GALNT17: variants seen among roughly 807,000 people sequenced by gnomAD.
GALNT17 encodes the protein UDP-GalNAc:polypeptide N-acetylgalactosaminyltransferase-like 3.
A neutral mutation model predicts 63.7 loss-of-function variants in GALNT17; 29 were observed. The ratio of observed to expected loss-of-function variants is 0.46; its 90% CI spans 0.34 to 0.62. GALNT17 has a LOEUF of 0.62. Ranked by LOEUF, GALNT17 falls within the 20% of genes least tolerant of loss-of-function variation. The pLI is 0.01. For synonymous variants in GALNT17, 305 were observed against 318.3 expected (o/e 0.96, Z 0.45); for missense variants, 603 against 799.6 (o/e 0.75, Z 2.97).
intron 1 of GALNT17, among the ~76,000 whole-genome samples, chr7:71,233,588 T>C (rs1237895545): frequency 6.6e-6 from 1 of 152,180 alleles, no homozygotes; most frequent in Non-Finnish European, 1.5e-5. Flanking sequence ...AGAAGGTTGC[T>C]CTGGGAGCCT....
rs1563047598 is a variant in GALNT17 at position 71,377,112 on chromosome 7, AAAATATATATAT to A, written c.423-11121_423-11110del. Among the ~76,000 whole-genome samples, 18 of 57,236 alleles carry A rather than the reference AAAATATATATAT, an allele frequency of 3.1e-4. 1 individual carries two copies. Among genetic ancestry groups the A allele is most frequent in the East Asian group, 1.1e-3 (2 of 1,786 alleles). The allele number at this position is 57,236 out of a possible 152,430, so 37.5% of individuals were successfully genotyped here. A position where few individuals can be genotyped will look rare whatever the true frequency, so the allele number is the denominator to read the frequency against. On this transcript the variant is annotated intron_variant, in intron 2 of 10. Coordinates refer to ENST00000333538, the MANE Select transcript of GALNT17 (RefSeq NM_022479.3). ...AAAAAAAAAAAAAATAAAAATAAAAAAAATATATATATATATATATATATATATAAAATCTCC... is the reference window on the plus strand; with the variant it reads ...AAAAAAAAAAAAAATAAAAATAAAAAATATATATATATATATAAAATCTCC...
chr7:71,494,052 G>A (rs1391044464), intron 5 of GALNT17, among the ~76,000 whole-genome samples: 2 of 151,992 alleles, frequency 1.3e-5, no homozygotes, highest in African/African-American at 4.8e-5. Context: ...ACTTGCAAAG[G>A]AAAGAGGTTT....
intron 1 of GALNT17, among the ~76,000 whole-genome samples, chr7:71,326,071 T>C (rs948062445): frequency 1.3e-5 from 2 of 152,174 alleles, no homozygotes; most frequent in African/African-American, 4.8e-5. Context: ...TTCTAAATTT[T>C]CTAACGTCTG....
At chr7:71,449,758 C>G (rs1410017163) in intron 5 of GALNT17, among the ~76,000 whole-genome samples, 1 of 152,040 alleles carries the variant, frequency 6.6e-6, no homozygotes, top group Non-Finnish European at 1.5e-5. Flanking sequence ...AATCGATTGT[C>G]TAACCGGGCG....
chr7:71,308,533 C>T (rs928361655), intron 1 of GALNT17, among the ~76,000 whole-genome samples: 3 of 152,112 alleles, frequency 2.0e-5, no homozygotes, highest in African/African-American at 7.2e-5. Context: ...ACATCTTCAG[C>T]ATCCTCTCTT....
At chr7:71,617,134 A>G (rs1790222743) in intron 6 of GALNT17, among the ~76,000 whole-genome samples, 1 of 149,138 alleles carries the variant, frequency 6.7e-6, no homozygotes, top group African/African-American at 2.4e-5. Context: ...TTTATACAAT[A>G]TTATTTATTT....
At chr7:71,231,666 A>G (rs1430138288) in intron 1 of GALNT17, among the ~76,000 whole-genome samples, 3 of 147,550 alleles carry the variant, frequency 2.0e-5, no homozygotes, top group Admixed American at 6.8e-5. Flanking sequence ...GTGTCCTCAC[A>G]TGACAGATAG....
intron 3 of GALNT17, among the ~76,000 whole-genome samples, chr7:71,400,370 A>C (rs1276885002): frequency 6.6e-6 from 1 of 152,166 alleles, no homozygotes; most frequent in East Asian, 1.9e-4. Flanking sequence ...GTGTATATCA[A>C]GAACTTTTTA....
At chr7:71,523,978 TGTG>T (rs937582091) in intron 5 of GALNT17, among the ~76,000 whole-genome samples, 1 of 149,662 alleles carries the variant, frequency 6.7e-6, no homozygotes, top group African/African-American at 2.4e-5. Flanking sequence ...ACTAGCCAGA[TGTG>T]GTGGCACAGG....
intron 1 of GALNT17, among the ~76,000 whole-genome samples, chr7:71,274,414 G>A (rs910907454): frequency 1.3e-5 from 2 of 151,988 alleles, no homozygotes; most frequent in Non-Finnish European, 2.9e-5. Context: ...TGAGTAGCTG[G>A]GACTACAGGT....
At chr7:71,541,198 C>T (rs1021628789) in intron 5 of GALNT17, among the ~76,000 whole-genome samples, 3 of 150,842 alleles carry the variant, frequency 2.0e-5, no homozygotes, top group East Asian at 1.9e-4. Flanking sequence ...GAGCAGAGAT[C>T]GTGCCACTGC....
At chr7:71,552,345 T>TA (rs2116833614) in intron 5 of GALNT17, among the ~76,000 whole-genome samples, 1 of 151,648 alleles carries the variant, frequency 6.6e-6, no homozygotes, top group East Asian at 2.0e-4. Flanking sequence ...GTGCCTGGCA[T>TA]ATAGCACTTG....
chr7:71,180,051 G>T (rs1239850099), intron 1 of GALNT17, among the ~76,000 whole-genome samples: 1 of 152,272 alleles, frequency 6.6e-6, no homozygotes, highest in African/African-American at 2.4e-5. Context: ...CTTATTTAAA[G>T]CATACAATTT....
chr7:71,437,036 C>T (rs980506600), intron 5 of GALNT17, among the ~76,000 whole-genome samples: 18 of 151,862 alleles, frequency 1.2e-4, no homozygotes, highest in Admixed American at 6.6e-4. Flanking sequence ...CTGGCCCTCC[C>T]GGCATTTATT....
chr7:71,546,040 G>T (rs2116818737), intron 5 of GALNT17, among the ~76,000 whole-genome samples: 1 of 152,186 alleles, frequency 6.6e-6, no homozygotes, highest in Admixed American at 6.5e-5. Flanking sequence ...CAGGAGGATT[G>T]CTTGAGCCCA....
At chr7:71,168,441 G>A (rs982745030) in intron 1 of GALNT17, among the ~76,000 whole-genome samples, 23 of 151,882 alleles carry the variant, frequency 1.5e-4, no homozygotes, top group African/African-American at 5.3e-4. Flanking sequence ...GTGTGGTGGC[G>A]GGCGGCTGTA....
chr7:71,433,929 C>T (rs889191655), intron 5 of GALNT17, among the ~76,000 whole-genome samples: 3 of 127,908 alleles, frequency 2.3e-5, no homozygotes, highest in Non-Finnish European at 4.9e-5. Context: ...AATCAGCTGC[C>T]AGCGTGGCTA....
intron 1 of GALNT17, among the ~76,000 whole-genome samples, chr7:71,138,888 T>A (rs1007342009): frequency 5.9e-5 from 9 of 152,202 alleles, no homozygotes; most frequent in Admixed American, 3.3e-4. Flanking sequence ...GTCAGGAGAA[T>A]CACTTGAACC....
chr7:71,451,968 T>C (rs922282812), intron 5 of GALNT17, among the ~76,000 whole-genome samples: 8 of 152,080 alleles, frequency 5.3e-5, no homozygotes, highest in Admixed American at 2.0e-4. Context: ...CCAACACTTT[T>C]GGAGGCCAAG....
Sources: allele counts gnomAD v4.1 joint callset (sites outside exome capture counted in the v4.1 genomes callset), GRCh38; gene constraint gnomAD v4.1.1; transcripts MANE v1.5; gene names NCBI Gene and HGNC (gene_info 2026-07-23, HGNC 2026-07-21).